Variants in CDCA7 observed in about 807,000 individuals in gnomAD.
The protein encoded by CDCA7 is cell division cycle associated 7.
CDCA7 carries 28 observed loss-of-function variants against 54.0 expected under a neutral mutation model. The ratio of observed to expected loss-of-function variants is 0.52; its 90% CI spans 0.38 to 0.71. The LOEUF is 0.71. CDCA7 is among the 30% of genes least tolerant of loss of function. The pLI, the probability that CDCA7 is intolerant of heterozygous loss-of-function variation, is 0.00. For synonymous variants in CDCA7, 180 were observed against 208.2 expected, an observed-to-expected ratio of 0.86 and a Z score of 1.16; for missense variants, 484 against 586.0, an observed-to-expected ratio of 0.83 and a Z score of 1.80.
chr2:173,362,407 A>T (rs1014842595), intron 3 of CDCA7, among the ~76,000 whole-genome samples: 1 of 152,148 alleles, frequency 6.6e-6, no homozygotes, highest in Admixed American at 6.5e-5. Context: ...CTGCACAACA[A>T]TGTGCATGTA....
intron 1 of CDCA7, among the ~76,000 whole-genome samples, chr2:173,358,228 G>T (rs916262948): frequency 4.6e-5 from 7 of 151,136 alleles, no homozygotes; most frequent in African/African-American, 1.7e-4. Context: ...AATTTGACCT[G>T]GTTTTAAAGA....
At position 173,363,297 on chromosome 2, in the gene CDCA7, G is replaced by A. The variant is rs764352915; in HGVS notation, c.456G>A (p.Ala152=). The A allele has an allele frequency of 7.4e-6, 12 of 1,614,162 alleles. No homozygotes were observed. The highest frequency in any genetic ancestry group is 2.7e-5 in the African/African-American group (2 of 75,028). ...QCRHSGPLRV[A]MKFPARSTRG... Reference sequence around the variant, plus strand: ...GGCACTCTGGACCTCTCAGGGTGGCGATGAAGTTTCCAGCGCGGAGTACCA... The same window carrying A: ...GGCACTCTGGACCTCTCAGGGTGGCAATGAAGTTTCCAGCGCGGAGTACCA... Residue 152 remains alanine (A), a synonymous_variant, in exon 4 of 10, where the codon GCG becomes GCA. Coordinates refer to ENST00000306721, the MANE Select transcript of CDCA7 (RefSeq NM_031942.5).
chr2:173,360,204 A>G (rs970021171), intron 3 of CDCA7, among the ~76,000 whole-genome samples: 2 of 152,212 alleles, frequency 1.3e-5, no homozygotes, highest in Admixed American at 1.3e-4. Context: ...TGGTTTGAGT[A>G]ACATTGATAG....
At chr2:173,365,087 C>G in intron 6 of CDCA7, 98 bp downstream of exon 6, 1 of 1,413,032 alleles carries the variant, frequency 7.1e-7, no homozygotes, top group Non-Finnish European at 9.2e-7. Context: ...TAACACCAGG[C>G]GATCCATAGT....
chr2:173,357,448 C>T (rs911424407), intron 1 of CDCA7, among the ~76,000 whole-genome samples: 1 of 152,172 alleles, frequency 6.6e-6, no homozygotes, highest in Non-Finnish European at 1.5e-5. Context: ...TAACTTGGCT[C>T]CTTGTACCAT....
rs1014182321 is a variant in CDCA7, at chr2:173,363,561, T to C, written c.621+99T>C. The C allele has an allele frequency of 9.1e-5, 112 of 1,225,152 alleles. 2 individuals are homozygous for C. The Admixed American group carries it at 2.2e-3, about 25-fold the overall frequency. The allele number at this position is 1,225,152 out of a possible 1,614,324, so 75.9% of individuals were successfully genotyped here. On this transcript the variant is annotated intron_variant, in intron 4 of 9. Transcript: ENST00000306721. ...GCAAAAGTTATTTTTTTCTGTTACA[T>C]GAATAAAAAGTTATTTTTGTTTACC...
intron 1 of CDCA7, among the ~76,000 whole-genome samples, chr2:173,357,075 C>G (rs917952646): frequency 6.6e-6 from 1 of 152,210 alleles, no homozygotes; most frequent in Admixed American, 6.5e-5. Flanking sequence ...CTTGCCCTTT[C>G]AAAGTTTTCA....
chr2:173,358,731 AG>A lies in CDCA7; in HGVS notation c.42del (p.Lys15ArgfsTer3). On this transcript the variant is annotated frameshift_variant, in exon 2 of 10. Coordinates refer to ENST00000306721, the MANE Select transcript of CDCA7 (RefSeq NM_031942.5). LOFTEE classifies it high-confidence loss of function. Reference sequence around the variant, plus strand: ...TTGCAGCAGAAAGATCTCAGAGTAAAGAAGAACTTAAAGAAATTCAGATATG... The same window carrying A: ...TTGCAGCAGAAAGATCTCAGAGTAAAAAGAACTTAAAGAAATTCAGATATG... ...RRVPQKDLRVKKNLKKFRYVK... is the reference protein window; with the variant it reads ...RRVPQKDLRVXKNLKKFRYVK... 1 of 1,613,834 alleles carries A rather than the reference AG, an allele frequency of 6.2e-7. No homozygotes were observed. Among genetic ancestry groups the A allele is most frequent in the Admixed American group, 1.7e-5 (1 of 59,994 alleles).
intron 3 of CDCA7, among the ~76,000 whole-genome samples, chr2:173,362,617 C>G: frequency 6.6e-6 from 1 of 151,326 alleles, no homozygotes; most frequent in Admixed American, 6.6e-5. Flanking sequence ...CTCTGTAACC[C>G]AGCCCTGGCA....
In CDCA7 at chr2:173,354,956, C is replaced by G; in HGVS notation, c.-8C>G. 6.8e-7 allele frequency: 1 copy of G among 1,466,316 alleles called. No individual in the cohort carries two copies. The highest frequency in any genetic ancestry group is 3.0e-5 in the East Asian group (1 of 33,348). 90.8% of individuals were successfully genotyped at this position (1,466,316 alleles called of 1,614,324 possible). On this transcript the variant is annotated 5_prime_UTR_variant, in exon 1 of 10. Transcript: ENST00000306721. The stretch of plus-strand genomic sequence containing the variant: ...CTCCAAGCGCCGATCTGGGCACCCG[C>G]CACCAGCATGGACGCTCGCCGCGTG...
Position 173,365,514 on chromosome 2 carries a change from C to T in CDCA7, c.957C>T (p.Arg319=), listed in dbSNP as rs1237017155. The stretch of plus-strand genomic sequence containing the variant: ...CCGTGACCCTTCCGCATATAATTCG[C>T]CCAGTGGAAGAAATTACAGAGGAGG... ...RSSVTLPHII[R]PVEEITEEEL... Residue 319 remains arginine (R), a synonymous_variant, in exon 7 of 10, where the codon CGC becomes CGT. Transcript: ENST00000306721. The T allele has an allele frequency of 1.2e-5, 19 of 1,614,164 alleles. No homozygotes were observed. Among genetic ancestry groups the T allele is most frequent in the Non-Finnish European group, 1.4e-5 (17 of 1,180,014 alleles).
rs1686720754 is a variant in CDCA7 at position 173,366,380 on chromosome 2, C to T, written c.1133C>T (p.Pro378Leu). ...GGCGTTCGAGGCCAGTTCTGTGGCCCCTGCCTTCGAAACCGTTATGGTGAA... is the reference window on the plus strand; with the variant it reads ...GGCGTTCGAGGCCAGTTCTGTGGCCTCTGCCTTCGAAACCGTTATGGTGAA... ...CWGVRGQFCG[P>L]CLRNRYGEEV... Residue 378 changes from proline to leucine, a missense_variant, in exon 8 of 10, where the codon CCC becomes CTC. Physicochemically the swap from Pro to Leu is moderately conservative, Grantham distance 98. This residue lies in a region of CDCA7 where 83 missense variants were observed against 122.3 expected (regional missense o/e 0.68). Coordinates refer to ENST00000306721, the MANE Select transcript of CDCA7 (RefSeq NM_031942.5). This position sits in a 1 kb window ranked among gnomAD's most constrained non-coding sequence, Gnocchi z 4.5. 6.2e-7 allele frequency: 1 copy of T among 1,614,020 alleles called. No individual in the cohort carries two copies. Among genetic ancestry groups the T allele is most frequent in the Admixed American group, 1.7e-5 (1 of 59,992 alleles).
chr2:173,356,619 C>CTACCGGGCTCAG (rs979832434), intron 1 of CDCA7, among the ~76,000 whole-genome samples: 1 of 152,216 alleles, frequency 6.6e-6, no homozygotes, highest in African/African-American at 2.4e-5. Context: ...GTCTTCCCAC[C>CTACCGGGCTCAG]TCAGCCTCCC....
Position 173,359,431 on chromosome 2 carries a change from T to TA in CDCA7, c.324_325insA (p.Ala109SerfsTer4). ...CTAACGAACTGGCCGGTATTTTTCA[T>TA]GCCGACTCTGACGATGAATCATTTT... On this transcript the variant is annotated frameshift_variant, in exon 3 of 10. Coordinates refer to ENST00000306721, the MANE Select transcript of CDCA7 (RefSeq NM_031942.5). LOFTEE classifies it high-confidence loss of function. The TA allele has an allele frequency of 6.2e-7, 1 of 1,614,210 alleles. No individual in the cohort carries two copies.
chr2:173,366,894 G>A lies in CDCA7; in HGVS notation c.1186-256G>A, dbSNP rs1324157813. Among the ~76,000 whole-genome samples, 3 of 152,196 alleles carry A rather than the reference G, an allele frequency of 2.0e-5. No individual in the cohort carries two copies. The highest frequency in any genetic ancestry group is 2.0e-4 in the Admixed American group (3 of 15,286). On this transcript the variant is annotated intron_variant, in intron 8 of 9. Transcript: ENST00000306721. This position sits in a 1 kb window ranked among gnomAD's most constrained non-coding sequence, Gnocchi z 4.5. Reference sequence around the variant, plus strand: ...CAAATGAATTCAGAGGGATGGTGCTGCATAGGCATGAGCCGCTTCTACGAT... The same window carrying A: ...CAAATGAATTCAGAGGGATGGTGCTACATAGGCATGAGCCGCTTCTACGAT...
chr2:173,368,545 G>C lies in CDCA7; in HGVS notation c.*881G>C, dbSNP rs75243373. 1.3e-5 allele frequency: 2 copies of C among 152,182 alleles called. No individual in the cohort carries two copies. The highest frequency in any genetic ancestry group is 4.8e-5 in the African/African-American group (2 of 41,442). 9.4% of individuals were successfully genotyped at this position (152,182 alleles called of 1,614,324 possible). A position where few individuals can be genotyped will look rare whatever the true frequency, so the allele number is the denominator to read the frequency against. On this transcript the variant is annotated 3_prime_UTR_variant, in exon 10 of 10. Transcript: ENST00000306721. ...AGTCTGTGGTTCTTTGCAGTTTCTT[G>C]TAAATTTATAAACCAGGCACAAGGT... is the stretch of plus-strand genomic sequence containing the variant.
At chr2:173,361,642 G>A (rs1327715826) in intron 3 of CDCA7, among the ~76,000 whole-genome samples, 1 of 151,778 alleles carries the variant, frequency 6.6e-6, no homozygotes, top group Non-Finnish European at 1.5e-5. Flanking sequence ...AGTAGAGACG[G>A]GGTTTTGCCA....
chr2:173,360,582 G>T (rs966137055), intron 3 of CDCA7, among the ~76,000 whole-genome samples: 1 of 152,088 alleles, frequency 6.6e-6, no homozygotes, highest in African/African-American at 2.4e-5. Flanking sequence ...GGGCTTAAGC[G>T]ATTCTCCCTC....
intron 1 of CDCA7, 85 bp from the exon 2 acceptor site, chr2:173,358,627 G>A (rs1006081087): frequency 1.4e-6 from 2 of 1,457,636 alleles, no homozygotes; most frequent in African/African-American, 2.8e-5. Flanking sequence ...TGTGCTGTTT[G>A]AACCTACTAA....
Sources: gnomAD v4.1 joint callset for allele counts (sites outside exome capture counted in the v4.1 genomes callset) on GRCh38, gnomAD v4.1.1 for gene constraint, gnomAD v4.1.1 regional missense constraint, Gnocchi (gnomAD v3.1) non-coding constraint, MANE v1.5 for transcripts, NCBI Gene and HGNC (gene_info 2026-07-23, HGNC 2026-07-21) for gene names.